The following TLL1 variants were observed in gnomAD, a reference collection of about 807,000 sequenced individuals.
TLL1 encodes the protein tolloid-like protein 1.
A neutral mutation model predicts 128.2 loss-of-function variants in TLL1; 49 were observed. The observed-to-expected ratio is 0.38, with a 90% CI of 0.30 to 0.48. The LOEUF (loss-of-function observed/expected upper bound fraction) is 0.48, where lower values mean the gene tolerates loss of function less well. TLL1 is among the 20% of genes least tolerant of loss of function. TLL1 has a pLI of 0.96. For synonymous variants in TLL1, 454 were observed against 418.8 expected, an observed-to-expected ratio of 1.08 and a Z score of -1.03; for missense variants, 1,123 against 1,242.0, an observed-to-expected ratio of 0.90 and a Z score of 1.44.
intron 1 of TLL1, among the ~76,000 whole-genome samples, chr4:165,920,127 A>C (rs756142043): frequency 2.6e-5 from 4 of 152,192 alleles, no homozygotes; most frequent in Middle Eastern, 6.3e-3. Flanking sequence ...TCCTGTGAAA[A>C]TCATCATTTC....
chr4:165,891,428 T>C (rs1318790238), intron 1 of TLL1, among the ~76,000 whole-genome samples: 3 of 152,200 alleles, frequency 2.0e-5, no homozygotes, highest in Admixed American at 6.5e-5. Flanking sequence ...TTCCAAGCCA[T>C]ATCTTTGTGA....
At chr4:165,883,425 C>T (rs1041174060) in intron 1 of TLL1, among the ~76,000 whole-genome samples, 1 of 152,024 alleles carries the variant, frequency 6.6e-6, no homozygotes, top group Non-Finnish European at 1.5e-5. Flanking sequence ...AGTGAGAGGG[C>T]CATGAGTTCT....
chr4:166,065,928 A>T, intron 16 of TLL1, 65 bp downstream of exon 16: 2 of 1,158,728 alleles, frequency 1.7e-6, no homozygotes, highest in South Asian at 3.1e-5. Flanking sequence ...ATTAAATTGT[A>T]TGTGATCTAT....
At chr4:165,988,590 G>A (rs191555767) in intron 1 of TLL1, among the ~76,000 whole-genome samples, 3 of 152,026 alleles carry the variant, frequency 2.0e-5, no homozygotes, top group East Asian at 1.9e-4. Context: ...AGCCGTGATC[G>A]CACCACTGCA....
chr4:165,981,976 A>T (rs1223705954), intron 1 of TLL1, among the ~76,000 whole-genome samples: 2 of 152,094 alleles, frequency 1.3e-5, no homozygotes, highest in African/African-American at 2.4e-5. Flanking sequence ...TCAAAGGGAA[A>T]CTCTTAGACA....
chr4:166,060,903 G>T (rs1740279788), intron 15 of TLL1, among the ~76,000 whole-genome samples: 1 of 152,152 alleles, frequency 6.6e-6, no homozygotes, highest in African/African-American at 2.4e-5. Context: ...CAGAGGAAAG[G>T]TTATAAACGT....
chr4:165,912,332 T>C (rs1306315537), intron 1 of TLL1, among the ~76,000 whole-genome samples: 1 of 152,200 alleles, frequency 6.6e-6, no homozygotes, highest in East Asian at 1.9e-4. Flanking sequence ...TCTGTCTTCA[T>C]TGTCAGCCAC....
At chr4:166,025,866 G>A (rs1738470833) in intron 9 of TLL1, among the ~76,000 whole-genome samples, 1 of 152,022 alleles carries the variant, frequency 6.6e-6, no homozygotes, top group Admixed American at 6.6e-5. Flanking sequence ...GTAGTACTTA[G>A]TTGAAAGAAA....
At chr4:166,058,616 C>T (rs1740142283) in intron 14 of TLL1, among the ~76,000 whole-genome samples, 1 of 152,144 alleles carries the variant, frequency 6.6e-6, no homozygotes, top group Admixed American at 6.6e-5. Flanking sequence ...AGGCCCCATA[C>T]CGCTATTACA....
intron 9 of TLL1, among the ~76,000 whole-genome samples, chr4:166,038,530 G>A (rs1739101386): frequency 6.6e-6 from 1 of 151,608 alleles, no homozygotes; most frequent in Non-Finnish European, 1.5e-5. Context: ...CATCAGATAA[G>A]CATACTTCTC....
intron 9 of TLL1, among the ~76,000 whole-genome samples, chr4:166,037,489 A>C (rs948338471): frequency 6.6e-6 from 1 of 152,110 alleles, no homozygotes; most frequent in Non-Finnish European, 1.5e-5. Context: ...AAGAGGGAAG[A>C]TAAAAATAAA....
chr4:165,912,716 C>G (rs931469324), intron 1 of TLL1, among the ~76,000 whole-genome samples: 4 of 152,140 alleles, frequency 2.6e-5, no homozygotes, highest in Non-Finnish European at 5.9e-5. Flanking sequence ...ACTCCGGTAT[C>G]GTTCTGTCAG....
intron 19 of TLL1, among the ~76,000 whole-genome samples, chr4:166,092,021 G>A (rs565854962): frequency 1.5e-5 from 2 of 136,086 alleles, no homozygotes; most frequent in South Asian, 2.6e-4. Context: ...TCTAGAGAAT[G>A]TGCCCTTTTC....
chr4:166,099,636 A>G, intron 20 of TLL1, 109 bp downstream of exon 20: 2 of 1,470,516 alleles, frequency 1.4e-6, no homozygotes, highest in Non-Finnish European at 1.9e-6. Flanking sequence ...CAAAAAAAAA[A>G]AAAAAAGGCT....
chr4:166,026,114 G>C (rs1233838031), intron 9 of TLL1, among the ~76,000 whole-genome samples: 1 of 152,168 alleles, frequency 6.6e-6, no homozygotes, highest in African/African-American at 2.4e-5. Context: ...TGGGTCAGGC[G>C]AGGTGGCTCA....
intron 15 of TLL1, among the ~76,000 whole-genome samples, chr4:166,064,728 T>C (rs1385984526): frequency 6.6e-6 from 1 of 152,116 alleles, no homozygotes; most frequent in Non-Finnish European, 1.5e-5. Context: ...AACAGTCTTT[T>C]ATACTATATT....
At chr4:165,961,640 G>C (rs557260707) in intron 1 of TLL1, among the ~76,000 whole-genome samples, 1 of 152,150 alleles carries the variant, frequency 6.6e-6, no homozygotes, top group Non-Finnish European at 1.5e-5. Flanking sequence ...CAGTGGAATA[G>C]AGCAGAGAAC....
At chr4:166,075,097 A>G in intron 17 of TLL1, 94 bp downstream of exon 17, 1 of 1,550,998 alleles carries the variant, frequency 6.4e-7, no homozygotes, top group Non-Finnish European at 8.8e-7. Context: ...CATTTCAATG[A>G]GTGATATCAT....
At chr4:166,062,001 C>G (rs946795042) in intron 15 of TLL1, among the ~76,000 whole-genome samples, 1 of 152,160 alleles carries the variant, frequency 6.6e-6, no homozygotes, top group South Asian at 2.1e-4. Flanking sequence ...TTGTTTTTGT[C>G]AGGTTTGTCA....
Sources: gnomAD v4.1 joint callset for allele counts (sites outside exome capture counted in the v4.1 genomes callset) on GRCh38, gnomAD v4.1.1 for gene constraint, MANE v1.5 for transcripts, NCBI Gene and HGNC (gene_info 2026-07-23, HGNC 2026-07-21) for gene names.